The following GRIA3 variants were observed in gnomAD, a reference collection of about 807,000 sequenced individuals.
GRIA3 encodes glutamate receptor 3.
A neutral mutation model predicts 63.0 loss-of-function variants in GRIA3; 3 were observed. The observed-to-expected ratio is 0.05, with a 90% CI of 0.02 to 0.12. The LOEUF (loss-of-function observed/expected upper bound fraction) is 0.12. Ranked by LOEUF, GRIA3 falls within the 10% of genes least tolerant of loss-of-function variation. The pLI is 1.00. For synonymous variants in GRIA3, 274 were observed against 257.9 expected (o/e 1.06, Z -0.60); for missense variants, 347 against 700.9 (o/e 0.50, Z 5.70).
At chrX:123,421,014 C>G (rs2045561740) in intron 11 of GRIA3, among the ~76,000 whole-genome samples, 2 of 111,090 alleles carry the variant, frequency 1.8e-5, no homozygotes, top group South Asian at 7.6e-4. Context: ...TTTACCCTTA[C>G]AATGTGCAAT....
chrX:123,285,085 G>A (rs1035518284), intron 3 of GRIA3, among the ~76,000 whole-genome samples: 33 of 111,379 alleles, frequency 3.0e-4, no homozygotes, highest in South Asian at 3.8e-4. Flanking sequence ...GAAGAGAGTG[G>A]GGGCCAATAT....
chrX:123,186,845 G>A (rs1004970754), intron 2 of GRIA3, among the ~76,000 whole-genome samples: 2 of 111,964 alleles, frequency 1.8e-5, no homozygotes, highest in African/African-American at 3.2e-5. Context: ...CCCAAAGCCG[G>A]TTCTGAAATC....
intron 3 of GRIA3, among the ~76,000 whole-genome samples, chrX:123,292,978 T>C (rs1455681082): frequency 9.0e-6 from 1 of 111,168 alleles, no homozygotes; most frequent in Non-Finnish European, 1.9e-5. Context: ...TTAGTTTATC[T>C]GGTTGGCCTA....
intron 2 of GRIA3, among the ~76,000 whole-genome samples, chrX:123,240,263 A>G (rs1287071438): frequency 8.9e-6 from 1 of 112,289 alleles, no homozygotes; most frequent in Non-Finnish European, 1.9e-5. Flanking sequence ...CTCCCAAACC[A>G]CAATTGGGCA....
chrX:123,326,497 C>A (rs1407080660), intron 4 of GRIA3, among the ~76,000 whole-genome samples: 2 of 112,154 alleles, frequency 1.8e-5, no homozygotes, highest in Non-Finnish European at 3.8e-5. Context: ...TCCCTCCACA[C>A]CTCTGTTTCA....
At chrX:123,468,545 A>G (rs1373989930) in intron 13 of GRIA3, among the ~76,000 whole-genome samples, 2 of 112,534 alleles carry the variant, frequency 1.8e-5, no homozygotes, top group Non-Finnish European at 3.8e-5. Context: ...TATTCGTTAC[A>G]TATCTATAGG....
intron 5 of GRIA3, among the ~76,000 whole-genome samples, chrX:123,370,403 G>A (rs1312256576): frequency 8.9e-6 from 1 of 112,074 alleles, no homozygotes; most frequent in Non-Finnish European, 1.9e-5. Flanking sequence ...AGCAATATGA[G>A]ATGGAAAAGA....
At chrX:123,251,485 G>C (rs1383996870) in intron 2 of GRIA3, among the ~76,000 whole-genome samples, 2 of 111,283 alleles carry the variant, frequency 1.8e-5, no homozygotes, top group Non-Finnish European at 3.8e-5. Flanking sequence ...GCCCAGGCTG[G>C]AGTGCAGCGG....
At chrX:123,400,029 A>T (rs748989000) in intron 7 of GRIA3, among the ~76,000 whole-genome samples, 1 of 111,710 alleles carries the variant, frequency 9.0e-6, no homozygotes, top group African/African-American at 3.2e-5. Context: ...TTGTATTGTC[A>T]GGTGAAACAT....
chrX:123,409,527 T>C (rs2045494411), intron 10 of GRIA3, among the ~76,000 whole-genome samples: 3 of 111,806 alleles, frequency 2.7e-5, no homozygotes, highest in African/African-American at 9.8e-5. Flanking sequence ...CAGAACATCA[T>C]GGACTTGAAA....
At chrX:123,354,796 T>C in intron 4 of GRIA3, 114 bp from the exon 5 acceptor site, 1 of 577,602 alleles carries the variant, frequency 1.7e-6, no homozygotes, top group South Asian at 2.3e-5. Context: ...TCCAATTAAC[T>C]GTGATTTTCC....
chrX:123,433,476 A>G (rs930459352), intron 12 of GRIA3, among the ~76,000 whole-genome samples: 1 of 111,844 alleles, frequency 8.9e-6, no homozygotes, highest in Non-Finnish European at 1.9e-5. Context: ...ATTGATATAC[A>G]ACTTATATAT....
intron 14 of GRIA3, among the ~76,000 whole-genome samples, chrX:123,481,871 G>A (rs892844852): frequency 9.9e-5 from 11 of 111,328 alleles, no homozygotes; most frequent in Admixed American, 3.8e-4. Flanking sequence ...GTCACTGACC[G>A]GCTTCCTCAA....
chrX:123,360,480 A>G (rs1028971665), intron 5 of GRIA3, among the ~76,000 whole-genome samples: 13 of 100,678 alleles, frequency 1.3e-4, no homozygotes, highest in Non-Finnish European at 2.2e-4. Flanking sequence ...CAGCAGTTCA[A>G]GACCAGCCTG....
chrX:123,299,701 C>G (rs957370242), intron 3 of GRIA3, among the ~76,000 whole-genome samples: 2 of 111,242 alleles, frequency 1.8e-5, no homozygotes, highest in South Asian at 7.6e-4. Context: ...TCCTCTCTTC[C>G]TATTTGGATG....
intron 5 of GRIA3, among the ~76,000 whole-genome samples, chrX:123,366,901 T>C (rs1015491608): frequency 1.8e-5 from 2 of 111,591 alleles, no homozygotes; most frequent in African/African-American, 6.5e-5. Flanking sequence ...AATAAGAAAT[T>C]AATTTGTTTT....
chrX:123,415,930 G>C (rs1006179755), intron 10 of GRIA3, among the ~76,000 whole-genome samples: 2 of 111,944 alleles, frequency 1.8e-5, no homozygotes, highest in African/African-American at 6.5e-5. Flanking sequence ...GCATATAAAA[G>C]TAGTGTATAG....
At chrX:123,248,806 GA>G (rs1316538566) in intron 2 of GRIA3, among the ~76,000 whole-genome samples, 1 of 110,744 alleles carries the variant, frequency 9.0e-6, no homozygotes, top group Admixed American at 9.6e-5. Flanking sequence ...AAGAAAGAAA[GA>G]AAAAAAGAGA....
At chrX:123,232,176 AGCAG>A (rs1343558298) in intron 2 of GRIA3, among the ~76,000 whole-genome samples, 2 of 112,186 alleles carry the variant, frequency 1.8e-5, no homozygotes, top group Non-Finnish European at 3.8e-5. Context: ...GCAGTAGGTC[AGCAG>A]GCAACAACCA....
Sources: gnomAD v4.1 joint callset for allele counts (sites outside exome capture counted in the v4.1 genomes callset) on GRCh38, gnomAD v4.1.1 for gene constraint, MANE v1.5 for transcripts, NCBI Gene and HGNC (gene_info 2026-07-23, HGNC 2026-07-21) for gene names.